The following RTTN variants were observed in gnomAD, a reference collection of about 807,000 sequenced individuals.
RTTN encodes rotatin.
In RTTN, 182 loss-of-function variants were observed where a neutral mutation model predicts 269.2. That is an observed-to-expected ratio of 0.68 (90% CI 0.60 to 0.76). RTTN has a LOEUF of 0.76. Ranked by LOEUF, RTTN falls within the 30% of genes least tolerant of loss-of-function variation. The pLI is 0.00. For synonymous variants in RTTN, 1,006 were observed against 963.5 expected (o/e 1.04, Z -0.82); for missense variants, 2,545 against 2,608.6 (o/e 0.98, Z 0.53).
intron 43 of RTTN, among the ~76,000 whole-genome samples, chr18:70,028,180 G>A (rs1404043401): frequency 6.6e-6 from 1 of 151,974 alleles, no homozygotes; most frequent in Admixed American, 6.6e-5. Context: ...TGATACAATG[G>A]TTTAAAACAT....
In RTTN at chr18:70,086,539, C is replaced by T. The variant is rs1599458717; in HGVS notation, c.4374+74G>A. Reference sequence around the variant, plus strand: ...ATAGTTTCATCAATAATGAAATATACTACTTATACTGAAAATTTATCACCA... The same window carrying T: ...ATAGTTTCATCAATAATGAAATATATTACTTATACTGAAAATTTATCACCA... On this transcript the variant is annotated intron_variant, in intron 32 of 48. Transcript: ENST00000640769. 6.3e-6 allele frequency: 7 copies of T among 1,111,338 alleles called. No individual in the cohort carries two copies. In the East Asian group the frequency reaches 1.2e-4, roughly 19 times the overall value. The allele number at this position is 1,111,338 out of a possible 1,614,324, so 68.8% of individuals were successfully genotyped here.
Position 70,048,142 on chromosome 18 carries a change from C to T in RTTN, c.5370G>A (p.Leu1790=). The T allele has an allele frequency of 6.2e-7, 1 of 1,614,094 alleles. No individual in the cohort carries two copies. The highest frequency in any genetic ancestry group is 8.5e-7 in the Non-Finnish European group (1 of 1,179,982). The stretch of plus-strand genomic sequence containing the variant: ...AAAGGAATTGCAAGCTGGCAGTATA[C>T]AGGGCAGGACACGTGGCAGACAAGC... ...CAGLSATCPA[L]YTASLQFLSV... Residue 1790 remains leucine (L), a synonymous_variant, in exon 40 of 49, where the codon CTG becomes CTA. Transcript: ENST00000640769.
At chr18:70,181,067 T>A (rs1216795467) in intron 10 of RTTN, among the ~76,000 whole-genome samples, 1 of 152,198 alleles carries the variant, frequency 6.6e-6, no homozygotes, top group Non-Finnish European at 1.5e-5. Context: ...GGTCCAAATA[T>A]CCTTAATGAG....
At chr18:70,184,685 C>A in intron 10 of RTTN, among the ~76,000 whole-genome samples, 2 of 140,072 alleles carry the variant, frequency 1.4e-5, no homozygotes, top group South Asian at 2.3e-4. Flanking sequence ...AACTCAATTC[C>A]ATTCAAAACC....
At position 70,121,606 on chromosome 18, in the gene RTTN, T is replaced by G. The variant is rs572793134; in HGVS notation, c.3478A>C (p.Asn1160His). ...LNKLIKEQRK[N>H]SSLELLNWIL... The stretch of plus-strand genomic sequence containing the variant: ...CAGTTTAGAAGTTCTAGTGAAGAAT[T>G]TTTTCTTTGTTCCTTTATTAATTTA... Residue 1160 changes from asparagine (N) to histidine (H), a missense_variant, in exon 26 of 49, where the codon AAT becomes CAT. Transcript: ENST00000640769. 1 of 1,582,282 alleles carries G rather than the reference T, an allele frequency of 6.3e-7. No individual in the cohort carries two copies. The highest frequency in any genetic ancestry group is 1.4e-5 in the African/African-American group (1 of 72,942).
chr18:70,106,388 T>C (rs930494436), intron 28 of RTTN, among the ~76,000 whole-genome samples: 6 of 152,014 alleles, frequency 3.9e-5, no homozygotes, highest in South Asian at 4.2e-4. Context: ...TATTAAGTAA[T>C]AGCCACATAT....
intron 34 of RTTN, among the ~76,000 whole-genome samples, chr18:70,068,734 T>A (rs1469475107): frequency 6.6e-6 from 1 of 152,202 alleles, no homozygotes; most frequent in Non-Finnish European, 1.5e-5. Flanking sequence ...CTAATTCTTG[T>A]ATCTATCACT....
intron 28 of RTTN, among the ~76,000 whole-genome samples, chr18:70,108,660 T>C (rs997591525): frequency 6.6e-6 from 1 of 152,052 alleles, no homozygotes; most frequent in African/African-American, 2.4e-5. Flanking sequence ...AAAAGAGTAA[T>C]ACATCACAAC....
In RTTN at chr18:70,127,646, A is replaced by G; in HGVS notation, c.3239T>C (p.Val1080Ala). The stretch of plus-strand genomic sequence containing the variant: ...AACTTCCCTGTGGGTTGCAGCCTGA[A>G]CAATGGAATGGAGGCAGTCCTGCAG... ...SGLQDCLHSIVQAATHREVRA... is the reference protein window; with the variant it reads ...SGLQDCLHSIAQAATHREVRA... Residue 1080 changes from valine to alanine, a missense_variant, in exon 25 of 49, where the codon GTT (valine) becomes GCT (alanine). Coordinates refer to ENST00000640769, the MANE Select transcript of RTTN (RefSeq NM_173630.4). The G allele has an allele frequency of 6.2e-7, 1 of 1,613,554 alleles. No individual in the cohort carries two copies. The highest frequency in any genetic ancestry group is 8.5e-7 in the Non-Finnish European group (1 of 1,179,736).
Position 70,075,482 on chromosome 18 carries a change from C to T in RTTN, c.4434G>A (p.Gln1478=). ...GLSLIGKPAL[Q]ALLYHCHFYE... ...AAAAATGGCAGTGATATAAAAGAGC[C>T]TGAAGGGCAGGTTTTCCAATGAGCG... Residue 1478 remains glutamine, a synonymous_variant, in exon 33 of 49, where the codon CAG becomes CAA. Coordinates refer to ENST00000640769, the MANE Select transcript of RTTN (RefSeq NM_173630.4). 1 of 1,604,592 alleles carries T rather than the reference C, an allele frequency of 6.2e-7. No homozygotes were observed. Among genetic ancestry groups the T allele is most frequent in the East Asian group, 2.3e-5 (1 of 44,306 alleles).
intron 40 of RTTN, among the ~76,000 whole-genome samples, chr18:70,046,864 C>T (rs1234265012): frequency 6.6e-6 from 1 of 152,190 alleles, no homozygotes; most frequent in Non-Finnish European, 1.5e-5. Context: ...ACAAGGGAGA[C>T]AAAGTCCCCT....
chr18:70,175,032 A>T (rs546258101), intron 11 of RTTN, among the ~76,000 whole-genome samples: 1 of 139,578 alleles, frequency 7.2e-6, no homozygotes, highest in Non-Finnish European at 1.5e-5. Flanking sequence ...CGTCTCAAAA[A>T]CAAAACCAAA....
At position 70,004,201 on chromosome 18, in the gene RTTN, A is replaced by C. The variant is rs2056108750; in HGVS notation, c.6631T>G (p.Tyr2211Asp). The C allele has an allele frequency of 6.2e-7, 1 of 1,613,782 alleles. No individual in the cohort carries two copies. The highest frequency in any genetic ancestry group is 8.5e-7 in the Non-Finnish European group (1 of 1,179,680). ...AGGTTTTCAAGACATTTCAAATAAT[A>C]GGCATTTAGAGGGTTTGCTTCTGAG... ...PNSEANPLNA[Y>D]YLKCLENLVQ... Residue 2211 changes from tyrosine (Y) to aspartate (D), a missense_variant, in exon 49 of 49, where the codon TAT becomes GAT. Transcript: ENST00000640769.
At chr18:70,060,342 C>T (rs1034902997) in intron 35 of RTTN, among the ~76,000 whole-genome samples, 1 of 152,134 alleles carries the variant, frequency 6.6e-6, no homozygotes, top group African/African-American at 2.4e-5. Context: ...CGTATTCAGA[C>T]ACTGAGAACA....
intron 16 of RTTN, 79 bp from the exon 17 acceptor site, chr18:70,149,116 G>A: frequency 1.6e-6 from 2 of 1,256,812 alleles, no homozygotes; most frequent in Non-Finnish European, 2.2e-6. Context: ...GAATTGTATT[G>A]TCCTATCAGC....
At chr18:70,067,992 C>A (rs938687186) in intron 34 of RTTN, among the ~76,000 whole-genome samples, 1 of 152,152 alleles carries the variant, frequency 6.6e-6, no homozygotes, top group Non-Finnish European at 1.5e-5. Context: ...TGGGGAAACA[C>A]AATGATTGCT....
chr18:70,061,702 C>T (rs575386071), intron 35 of RTTN, among the ~76,000 whole-genome samples: 14 of 152,156 alleles, frequency 9.2e-5, no homozygotes, highest in South Asian at 8.3e-4. Context: ...CCAGGCATGG[C>T]GGCACATTCC....
chr18:70,005,050 T>A lies in RTTN; in HGVS notation c.6595+148A>T, dbSNP rs988998806. ...CCTTCATCTATCTATTTTATTATTT[T>A]AAAAAATGATATAATTAAAGCACAT... On this transcript the variant is annotated intron_variant, in intron 48 of 48. Coordinates refer to ENST00000640769, the MANE Select transcript of RTTN (RefSeq NM_173630.4). 2.3e-5 allele frequency: 12 copies of A among 516,904 alleles called. No homozygotes were observed. The Admixed American group carries it at 3.7e-4, about 16-fold the overall frequency. 32.0% of individuals were successfully genotyped at this position (516,904 alleles called of 1,614,324 possible).
At chr18:70,059,043 A>T (rs2057901956) in intron 36 of RTTN, among the ~76,000 whole-genome samples, 1 of 152,210 alleles carries the variant, frequency 6.6e-6, no homozygotes, top group African/African-American at 2.4e-5. Context: ...GAGAAATGCA[A>T]ATAAACATGT....
Sources: gnomAD v4.1 joint callset for allele counts (sites outside exome capture counted in the v4.1 genomes callset) on GRCh38, gnomAD v4.1.1 for gene constraint, MANE v1.5 for transcripts, NCBI Gene and HGNC (gene_info 2026-07-23, HGNC 2026-07-21) for gene names.